Variants in IL20RA observed in about 807,000 individuals in gnomAD.
IL20RA encodes the protein interleukin-20 receptor subunit alpha.
Under a neutral mutation model 36.5 loss-of-function variants are expected in IL20RA, and 29 were observed. The ratio of observed to expected loss-of-function variants is 0.79; its 90% CI spans 0.59 to 1.08. The LOEUF (loss-of-function observed/expected upper bound fraction) is 1.08. IL20RA is among the 50% of genes least tolerant of loss of function. The pLI, the probability that IL20RA is intolerant of heterozygous loss-of-function variation, is 0.00. For synonymous variants in IL20RA, 279 were observed against 267.1 expected, an observed-to-expected ratio of 1.04 and a Z score of -0.43; for missense variants, 652 against 668.4, an observed-to-expected ratio of 0.98 and a Z score of 0.27.
chr6:137,027,404 C>T lies in IL20RA; in HGVS notation c.89-10301G>A, dbSNP rs140073860. On this transcript the variant is annotated intron_variant, in intron 1 of 6. Transcript: ENST00000316649. ...CAGTTTTCTCTGTAATAATACTGTCCATTCTTACAAGGTACTGCCAACTGC... is the reference window on the plus strand; with the variant it reads ...CAGTTTTCTCTGTAATAATACTGTCTATTCTTACAAGGTACTGCCAACTGC... Among the ~76,000 whole-genome samples, 9 of 152,304 alleles carry T rather than the reference C, an allele frequency of 5.9e-5. No homozygotes were observed. In the East Asian group the frequency reaches 1.5e-3, roughly 26 times the overall value.
At position 137,001,644 on chromosome 6, in the gene IL20RA, C is replaced by T; in HGVS notation, c.1576G>A (p.Ala526Thr). 3 of 1,613,716 alleles carry T rather than the reference C, an allele frequency of 1.9e-6. No homozygotes were observed. Among genetic ancestry groups the T allele is most frequent in the South Asian group, 2.2e-5 (2 of 91,044 alleles). The change falls in exon 7 of 7, where the codon GCT (alanine) becomes ACT (threonine). Residue 526 changes from alanine (A) to threonine (T), a missense_variant. Physicochemically the swap from Ala to Thr is moderately conservative, Grantham distance 58. Coordinates refer to ENST00000316649, the MANE Select transcript of IL20RA (RefSeq NM_014432.4). Reference sequence around the variant, plus strand: ...TTTTCTCCTGGTGGCCTGTCTGGAGCCGGCTCCTCATAGAGTCTAGATAGA... The same window carrying T: ...TTTTCTCCTGGTGGCCTGTCTGGAGTCGGCTCCTCATAGAGTCTAGATAGA... ...GLLSRLYEEPAPDRPPGENET... is the reference protein window; with the variant it reads ...GLLSRLYEEPTPDRPPGENET...
chr6:137,011,247 G>A (rs767055831), intron 3 of IL20RA, 27 bp downstream of exon 3: 5 of 1,567,266 alleles, frequency 3.2e-6, no homozygotes, highest in Non-Finnish European at 4.4e-6. Flanking sequence ...ATGTTTAACT[G>A]ACCATTGCAA....
chr6:137,027,009 G>C (rs2115405158), intron 1 of IL20RA, among the ~76,000 whole-genome samples: 1 of 152,170 alleles, frequency 6.6e-6, no homozygotes, highest in Admixed American at 6.5e-5. Context: ...AGCCTCCTGA[G>C]TAGCTGGGGA....
intron 1 of IL20RA, among the ~76,000 whole-genome samples, chr6:137,036,533 G>C (rs1034725681): frequency 6.6e-6 from 1 of 152,154 alleles, no homozygotes; most frequent in Non-Finnish European, 1.5e-5. Flanking sequence ...AAGACTATGT[G>C]AAGGCAAACA....
At position 137,002,039 on chromosome 6, in the gene IL20RA, G is replaced by A. The variant is rs1775077792; in HGVS notation, c.1181C>T (p.Pro394Leu). 1.2e-6 allele frequency: 2 copies of A among 1,614,104 alleles called. No homozygotes were observed. Among genetic ancestry groups the A allele is most frequent in the Non-Finnish European group, 1.7e-6 (2 of 1,179,984 alleles). The part of the protein sequence containing the change: ...QQESLSRTIP[P>L]DKTVIEYEYD... Reference sequence around the variant, plus strand: ...TTCATATTCAATGACTGTTTTATCCGGGGGTATTGTTCTGCTGAGGGACTC... The same window carrying A: ...TTCATATTCAATGACTGTTTTATCCAGGGGTATTGTTCTGCTGAGGGACTC... The change falls in exon 7 of 7, where the codon CCG (proline) becomes CTG (leucine). Residue 394 changes from proline to leucine, a missense_variant. Physicochemically the swap from Pro to Leu is moderately conservative, Grantham distance 98. Coordinates refer to ENST00000316649, the MANE Select transcript of IL20RA (RefSeq NM_014432.4).
Position 137,009,421 on chromosome 6 carries a change from C to G in IL20RA, c.475G>C (p.Glu159Gln). Residue 159 changes from glutamate (E) to glutamine (Q), a missense_variant, in exon 4 of 7, where the codon GAG becomes CAG. Coordinates refer to ENST00000316649, the MANE Select transcript of IL20RA (RefSeq NM_014432.4). The stretch of plus-strand genomic sequence containing the variant: ...TCTTCTGGATTTCTCTTCCACTTCT[C>G]TGGAGCTGTCAGGACAACAGAAATG... ...KSISVVLTAP[E>Q]KWKRNPEDLP... is the part of the protein sequence containing the mutation. 6.2e-7 allele frequency: 1 copy of G among 1,612,770 alleles called. No homozygotes were observed. The highest frequency in any genetic ancestry group is 8.5e-7 in the Non-Finnish European group (1 of 1,178,846).
rs1287991460 is a variant in IL20RA at position 137,005,667 on chromosome 6, T to TTGTTG, written c.725-908_725-907insCAACA. 7.9e-5 allele frequency among the ~76,000 whole-genome samples: 12 copies of TTGTTG among 151,866 alleles called. No individual in the cohort carries two copies. The East Asian group carries it at 2.1e-3, about 27-fold the overall frequency. On this transcript the variant is annotated intron_variant, in intron 5 of 6. Coordinates refer to ENST00000316649, the MANE Select transcript of IL20RA (RefSeq NM_014432.4). ...GGTTTTTGTTGTTGTTGTTGTTGTT[T>TTGTTG]TTTTTAATGGGAGTCTAACATTTCA...
chr6:137,022,770 T>C (rs1446329015), intron 1 of IL20RA, among the ~76,000 whole-genome samples: 1 of 152,198 alleles, frequency 6.6e-6, no homozygotes, highest in African/African-American at 2.4e-5. Flanking sequence ...CAGATATCCT[T>C]ATAAGAAGAC....
Position 137,008,640 on chromosome 6 carries a change from C to T in IL20RA, c.683G>A (p.Arg228His), listed in dbSNP as rs747471948. The change falls in exon 5 of 7, where the codon CGT (arginine) becomes CAT (histidine). Residue 228 changes from arginine (R) to histidine (H), a missense_variant. By Grantham distance (29) the Arg-to-His change is conservative (BLOSUM62 0). Transcript: ENST00000316649. Reference sequence around the variant, plus strand: ...ACACTGCTTCTCAGAAGGCTGAGCACGGCGAGGGGGCCCTGGGACGAAGGA... The same window carrying T: ...ACACTGCTTCTCAGAAGGCTGAGCATGGCGAGGGGGCCCTGGGACGAAGGA... The part of the protein sequence containing the change: ...VESFVPGPPR[R>H]AQPSEKQCAR... 96 of 1,605,996 alleles carry T rather than the reference C, an allele frequency of 6.0e-5. No homozygotes were observed. In the East Asian group the frequency reaches 8.3e-4, roughly 14 times the overall value.
rs138039738 is a variant in IL20RA at position 137,032,831 on chromosome 6, C to T, written c.88+11810G>A. Among the ~76,000 whole-genome samples the T allele has an allele frequency of 4.8e-4, 73 of 152,232 alleles. 1 individual carries two copies. Among genetic ancestry groups the T allele is most frequent in the South Asian group, 3.1e-3 (15 of 4,822 alleles). ...ATCGGACCTCTTCAAGGCTGAATTA[C>T]GCCTTGATAAAGTTGTGTAACTAAA... is the stretch of plus-strand genomic sequence containing the variant. On this transcript the variant is annotated intron_variant, in intron 1 of 6. Transcript: ENST00000316649.
chr6:137,019,327 C>T (rs966786800), intron 1 of IL20RA, among the ~76,000 whole-genome samples: 3 of 151,962 alleles, frequency 2.0e-5, no homozygotes, highest in Admixed American at 6.6e-5. Flanking sequence ...TGGGGTTTTG[C>T]CATGTTGGCC....
At chr6:137,021,761 T>C (rs1775914972) in intron 1 of IL20RA, among the ~76,000 whole-genome samples, 1 of 152,210 alleles carries the variant, frequency 6.6e-6, no homozygotes, top group Admixed American at 6.5e-5. Context: ...CCTTTATATG[T>C]TAAAATGTAT....
chr6:137,012,739 G>GA (rs1367007535), intron 2 of IL20RA, among the ~76,000 whole-genome samples: 4 of 152,104 alleles, frequency 2.6e-5, no homozygotes, highest in East Asian at 1.9e-4. Flanking sequence ...AGAGGGATGA[G>GA]AAAAAAATAT....
At chr6:137,031,033 T>C (rs1294781104) in intron 1 of IL20RA, among the ~76,000 whole-genome samples, 2 of 152,212 alleles carry the variant, frequency 1.3e-5, no homozygotes, top group Non-Finnish European at 2.9e-5. Context: ...TACTGTTCCT[T>C]ACCGTTAACA....
intron 1 of IL20RA, chr6:137,044,160 A>G: frequency 2.0e-6 from 2 of 985,912 alleles, no homozygotes; most frequent in Non-Finnish European, 2.4e-6. Context: ...TTGGCTTTTA[A>G]AGCGCGGATC....
intron 2 of IL20RA, among the ~76,000 whole-genome samples, chr6:137,016,093 C>T (rs192322632): frequency 6.6e-6 from 1 of 152,328 alleles, no homozygotes; most frequent in East Asian, 1.9e-4. Flanking sequence ...CCTTCCTGGG[C>T]TGCCTCCCAG....
Position 137,001,825 on chromosome 6 carries a change from T to C in IL20RA, c.1395A>G (p.Thr465=), listed in dbSNP as rs1439532898. 2 of 1,613,376 alleles carry C rather than the reference T, an allele frequency of 1.2e-6. No homozygotes were observed. The highest frequency in any genetic ancestry group is 1.7e-6 in the Non-Finnish European group (2 of 1,179,650). ...CTTCCTCCGGCCCCTCCTCCGAGTC[T>C]GTGTGCTCCTGCGCCAGGGGGTCTA... ...QDLDPLAQEH[T]DSEEGPEEEP... Residue 465 remains threonine, a synonymous_variant, in exon 7 of 7, where the codon ACA becomes ACG. Coordinates refer to ENST00000316649, the MANE Select transcript of IL20RA (RefSeq NM_014432.4).
Position 137,009,315 on chromosome 6 carries a change from A to G in IL20RA, c.579+2T>C. 1.2e-6 allele frequency: 2 copies of G among 1,611,702 alleles called. No individual in the cohort carries two copies. The highest frequency in any genetic ancestry group is 1.7e-6 in the Non-Finnish European group (2 of 1,177,782). On this transcript the variant is annotated splice_donor_variant, in intron 4 of 6. Coordinates refer to ENST00000316649, the MANE Select transcript of IL20RA (RefSeq NM_014432.4). LOFTEE classifies it high-confidence loss of function. The stretch of plus-strand genomic sequence containing the variant: ...GTATGCCCCATTCCATTTCAGGCTT[A>G]CCGTTCTGTTTGATTTAGTATTCAA...
intron 1 of IL20RA, chr6:137,042,936 A>G (rs1433358546): frequency 6.6e-6 from 1 of 152,166 alleles, no homozygotes; most frequent in Non-Finnish European, 1.5e-5. Context: ...TAGCCCAAAG[A>G]CCCAGGAGAG....
Sources: allele counts gnomAD v4.1 joint callset (sites outside exome capture counted in the v4.1 genomes callset), GRCh38; gene constraint gnomAD v4.1.1; transcripts MANE v1.5; gene names NCBI Gene and HGNC (gene_info 2026-07-23, HGNC 2026-07-21).